CASP5: variants seen among roughly 807,000 people sequenced by gnomAD.
CASP5 encodes caspase-5.
In CASP5, 42 loss-of-function variants were observed where a neutral mutation model predicts 45.2. The observed-to-expected ratio is 0.93, with a 90% CI of 0.73 to 1.20. CASP5 has a LOEUF of 1.20. Ranked by LOEUF, CASP5 falls within the 50% of genes most tolerant of loss-of-function variation. CASP5 has a pLI of 0.00. For missense variants in CASP5, 512 were observed against 532.2 expected, an observed-to-expected ratio of 0.96 and a Z score of 0.37; for synonymous variants, 209 against 186.2, an observed-to-expected ratio of 1.12 and a Z score of -1.00.
chr11:105,011,693 G>C (rs1055586918), intron 1 of CASP5, among the ~76,000 whole-genome samples: 3 of 150,664 alleles, frequency 2.0e-5, no homozygotes, highest in African/African-American at 4.9e-5. Context: ...ATTTATAATG[G>C]CTATAAAAAA....
At chr11:105,001,091 C>T (rs751968647) in intron 5 of CASP5, among the ~76,000 whole-genome samples, 2 of 152,188 alleles carry the variant, frequency 1.3e-5, no homozygotes, top group African/African-American at 4.8e-5. Context: ...GTGTTCTCTC[C>T]CCACAGAGGC....
intron 5 of CASP5, 61 bp from the exon 6 acceptor site, chr11:105,000,556 G>A: frequency 1.4e-6 from 2 of 1,453,532 alleles, no homozygotes; most frequent in Non-Finnish European, 1.9e-6. Context: ...GGACCTCCTA[G>A]ATTTACCATG....
rs549180493 is a variant in CASP5 at position 104,994,292 on chromosome 11, A to C, written c.*60T>G. 5 of 152,216 alleles carry C rather than the reference A, an allele frequency of 3.3e-5. No individual in the cohort carries two copies. Among genetic ancestry groups the C allele is most frequent in the African/African-American group, 1.2e-4 (5 of 41,452 alleles). The allele number at this position is 152,216 out of a possible 1,614,324, so 9.4% of individuals were successfully genotyped here. On this transcript the variant is annotated 3_prime_UTR_variant, in exon 10 of 10. Coordinates refer to ENST00000260315, the MANE Select transcript of CASP5 (RefSeq NM_004347.5). Reference sequence around the variant, plus strand: ...ACCAAATATTGACTATGCAAGCTATACTGGTAAATGTGCTCTTTGATGTTG... The same window carrying C: ...ACCAAATATTGACTATGCAAGCTATCCTGGTAAATGTGCTCTTTGATGTTG...
chr11:105,005,360 G>A (rs914547473), intron 3 of CASP5, among the ~76,000 whole-genome samples: 42 of 68,154 alleles, frequency 6.2e-4, no homozygotes, highest in Admixed American at 2.4e-3. Flanking sequence ...ATATATATGT[G>A]TGTGTGTGTG....
At chr11:105,002,296 C>T in intron 4 of CASP5, 95 bp from the exon 5 acceptor site, 1 of 956,996 alleles carries the variant, frequency 1.0e-6, no homozygotes, top group Non-Finnish European at 1.6e-6. Context: ...CCTCATGCAG[C>T]TGCCACCTTC....
Position 105,009,714 on chromosome 11 carries a change from TAC to T in CASP5, c.8-736_8-735del, listed in dbSNP as rs367820511. Among the ~76,000 whole-genome samples, 252 of 71,398 alleles carry T rather than the reference TAC, an allele frequency of 3.5e-3. 2 individuals carry two copies. Among genetic ancestry groups the T allele is most frequent in the African/African-American group, 0.011 (189 of 17,168 alleles). The allele number at this position is 71,398 out of a possible 152,430, so 46.8% of individuals were successfully genotyped here. A position where few individuals can be genotyped will look rare whatever the true frequency, so the allele number is the denominator to read the frequency against. On this transcript the variant is annotated intron_variant, in intron 1 of 9. Coordinates refer to ENST00000260315, the MANE Select transcript of CASP5 (RefSeq NM_004347.5). ...AGATTTTTACCAGGAGATATATATATACACACATATATATATATATATATATA... is the reference window on the plus strand; with the variant it reads ...AGATTTTTACCAGGAGATATATATATACACATATATATATATATATATATA...
At chr11:105,009,844 T>C (rs11226578) in intron 1 of CASP5, among the ~76,000 whole-genome samples, 33,617 of 124,572 alleles carry the variant, frequency 0.27, 5,672 homozygotes, top group African/African-American at 0.34. Flanking sequence ...TATATACACA[T>C]ATATATACAC....
At chr11:105,006,197 A>C (rs1861992221) in intron 3 of CASP5, among the ~76,000 whole-genome samples, 1 of 152,208 alleles carries the variant, frequency 6.6e-6, no homozygotes, top group Non-Finnish European at 1.5e-5. Flanking sequence ...ATGTTATAAA[A>C]TTTAAACATT....
At position 104,997,493 on chromosome 11, in the gene CASP5, CTA is replaced by C; in HGVS notation, c.1097-3_1097-2del. 1.3e-6 allele frequency: 2 copies of C among 1,595,326 alleles called. No homozygotes were observed. Among genetic ancestry groups the C allele is most frequent in the Middle Eastern group, 3.3e-4 (2 of 6,014 alleles). The stretch of plus-strand genomic sequence containing the variant: ...GTGCGGTCTCTCCAGGACACGTTAT[CTA>C]TGATGATACAGCCTGGTATGCCTTG... On this transcript the variant is annotated splice_acceptor_variant and splice_polypyrimidine_tract_variant and intron_variant, in intron 7 of 9. Transcript: ENST00000260315. LOFTEE classifies it high-confidence loss of function.
chr11:105,006,545 A>G (rs1008814985), intron 3 of CASP5, among the ~76,000 whole-genome samples: 5 of 152,226 alleles, frequency 3.3e-5, no homozygotes, highest in Admixed American at 2.0e-4. Flanking sequence ...TTGTGATGCC[A>G]GTGAAACACT....
intron 1 of CASP5, among the ~76,000 whole-genome samples, chr11:105,015,548 A>G (rs771899927): frequency 9.2e-5 from 14 of 152,130 alleles, no homozygotes; most frequent in Non-Finnish European, 1.3e-4. Flanking sequence ...ACAAAGACCA[A>G]CTACACATGG....
chr11:105,023,154 T>G lies in CASP5; in HGVS notation c.-18A>C. ...CCAGCCATAGCTAACAGCCTCTGTC[T>G]CTTTGTACAGCACTGGAAAGTGCCT... On this transcript the variant is annotated 5_prime_UTR_variant, in exon 1 of 10. Coordinates refer to ENST00000260315, the MANE Select transcript of CASP5 (RefSeq NM_004347.5). 6.4e-7 allele frequency: 1 copy of G among 1,551,000 alleles called. No individual in the cohort carries two copies.
At chr11:104,995,970 TC>T in intron 8 of CASP5, 128 bp from the exon 9 acceptor site, 1 of 600,250 alleles carries the variant, frequency 1.7e-6, no homozygotes, top group Non-Finnish European at 3.0e-6. Context: ...CCATGGATAT[TC>T]CAACTCCTTA....
At chr11:105,016,964 C>T (rs548331271) in intron 1 of CASP5, among the ~76,000 whole-genome samples, 18 of 150,722 alleles carry the variant, frequency 1.2e-4, no homozygotes, top group African/African-American at 3.0e-4. Context: ...GATCTGAGAA[C>T]GGGCAGACTG....
chr11:105,021,400 A>G (rs1862953058), intron 1 of CASP5, among the ~76,000 whole-genome samples: 1 of 147,596 alleles, frequency 6.8e-6, no homozygotes, highest in Non-Finnish European at 1.5e-5. Context: ...AAATTTTCGC[A>G]ACCTACTCGT....
intron 1 of CASP5, among the ~76,000 whole-genome samples, chr11:105,011,711 G>A (rs908721148): frequency 8.6e-5 from 13 of 151,666 alleles, no homozygotes; most frequent in African/African-American, 3.1e-4. Context: ...AAAATTTCAT[G>A]AAATAATAAG....
chr11:105,016,185 T>C (rs929097055), intron 1 of CASP5, among the ~76,000 whole-genome samples: 8 of 152,324 alleles, frequency 5.3e-5, no homozygotes, highest in African/African-American at 1.9e-4. Context: ...GCTAGCTTCA[T>C]AAGAATTGTC....
Position 105,003,258 on chromosome 11 carries a change from A to G in CASP5, c.543+16T>C, listed in dbSNP as rs767373524. 2 of 1,398,296 alleles carry G rather than the reference A, an allele frequency of 1.4e-6. No individual in the cohort carries two copies. The highest frequency in any genetic ancestry group is 2.0e-6 in the Non-Finnish European group (2 of 989,232). 86.6% of individuals were successfully genotyped at this position (1,398,296 alleles called of 1,614,324 possible). A position where few individuals can be genotyped will look rare whatever the true frequency, so the allele number is the denominator to read the frequency against. ...GTTTCTCTCTTCTTCCCCATTTCAT[A>G]CAGAGAGCACAGCACCTCATCATGA... On this transcript the variant is annotated intron_variant, in intron 4 of 9. Transcript: ENST00000260315.
Position 105,017,099 on chromosome 11 carries a change from G to C in CASP5, c.7+6031C>G, listed in dbSNP as rs1373906373. On this transcript the variant is annotated intron_variant, in intron 1 of 9. Coordinates refer to ENST00000260315, the MANE Select transcript of CASP5 (RefSeq NM_004347.5). ...CAACAGACCTGCAGCTGAGGGTCCTGTCTGTTAGAAGGAAAACTAACAAAC... is the reference window on the plus strand; with the variant it reads ...CAACAGACCTGCAGCTGAGGGTCCTCTCTGTTAGAAGGAAAACTAACAAAC... 3.3e-5 allele frequency among the ~76,000 whole-genome samples: 5 copies of C among 151,880 alleles called. No individual in the cohort carries two copies. In the East Asian group the frequency reaches 5.8e-4, roughly 18 times the overall value.
Sources: allele counts gnomAD v4.1 joint callset (sites outside exome capture counted in the v4.1 genomes callset), GRCh38; gene constraint gnomAD v4.1.1; transcripts MANE v1.5; gene names NCBI Gene and HGNC (gene_info 2026-07-23, HGNC 2026-07-21).